The following MAP4 variants were observed in gnomAD, a reference collection of about 807,000 sequenced individuals.
The protein encoded by MAP4 is microtubule-associated protein 4.
In MAP4, 76 loss-of-function variants were observed where a neutral mutation model predicts 170.2. The ratio of observed to expected loss-of-function variants is 0.45; its 90% CI spans 0.37 to 0.54. The LOEUF (loss-of-function observed/expected upper bound fraction) is 0.54, where lower values mean the gene tolerates loss of function less well. Ranked by LOEUF, MAP4 falls within the 20% of genes least tolerant of loss-of-function variation. MAP4 has a pLI of 0.00. For missense variants in MAP4, 2,506 were observed against 2,748.0 expected (o/e 0.91, Z 1.97); for synonymous variants, 909 against 994.5 (o/e 0.91, Z 1.62).
intron 6 of MAP4, 24 bp downstream of exon 6, chr3:47,918,695 T>C: frequency 6.3e-7 from 1 of 1,586,342 alleles, no homozygotes; most frequent in Non-Finnish European, 8.6e-7. Context: ...CATTAACTGA[T>C]AAAGGGAGTC....
chr3:47,968,359 A>G lies in MAP4; in HGVS notation c.292+9506T>C, dbSNP rs983858423. On this transcript the variant is annotated intron_variant, in intron 3 of 20. Transcript: ENST00000683076. ...AGACCATATGTTAGGCCAGAAAACA[A>G]GCCTCCATATATTGAAAGGGATTGA... Among the ~76,000 whole-genome samples, 6 of 152,208 alleles carry G rather than the reference A, an allele frequency of 3.9e-5. No homozygotes were observed. The South Asian group carries it at 1.2e-3, about 32-fold the overall frequency.
chr3:47,967,597 A>G (rs2100075885), intron 3 of MAP4, among the ~76,000 whole-genome samples: 1 of 152,226 alleles, frequency 6.6e-6, no homozygotes, highest in South Asian at 2.1e-4. Context: ...GGCTGCAGTG[A>G]GCCAAGATCA....
In MAP4 at chr3:47,911,284, C is replaced by A; in HGVS notation, c.3137G>T (p.Gly1046Val). The A allele has an allele frequency of 6.5e-7, 1 of 1,536,124 alleles. No individual in the cohort carries two copies. The highest frequency in any genetic ancestry group is 8.7e-7 in the Non-Finnish European group (1 of 1,146,916). The change falls in exon 9 of 21, where the codon GGG (glycine) becomes GTG (valine). Residue 1046 changes from glycine to valine, a missense_variant. Gly to Val is a moderately radical substitution (Grantham distance 109, BLOSUM62 -3). Transcript: ENST00000683076. The surrounding 1 kb of genome is among the most constrained non-coding windows in gnomAD (Gnocchi z 4.0). The stretch of plus-strand genomic sequence containing the variant: ...TCTCTTAAATGGTTCATTCTCTACC[C>A]CAGGGACCTGTACCAACACTTGGCC... Reference protein sequence around the residue: ...LQGQVLVQVPGVENEPFKRMA... With the variant: ...LQGQVLVQVPVVENEPFKRMA...
At chr3:48,056,955 C>T (rs1450704306) in intron 1 of MAP4, among the ~76,000 whole-genome samples, 4 of 131,732 alleles carry the variant, frequency 3.0e-5, no homozygotes, top group Non-Finnish European at 6.6e-5. Context: ...GCCCCCCGCC[C>T]GGCCAGCCGC....
chr3:47,866,307 A>G (rs1041386583), intron 17 of MAP4, among the ~76,000 whole-genome samples: 1 of 152,106 alleles, frequency 6.6e-6, no homozygotes, highest in African/African-American at 2.4e-5. Flanking sequence ...ACTGCACGCC[A>G]GCCTGGGCAA....
chr3:47,927,768 C>A (rs1445889312), intron 4 of MAP4, among the ~76,000 whole-genome samples: 1 of 152,160 alleles, frequency 6.6e-6, no homozygotes, highest in Non-Finnish European at 1.5e-5. Flanking sequence ...ACCCACCGCA[C>A]CTGGTCTGTT....
intron 3 of MAP4, among the ~76,000 whole-genome samples, chr3:47,941,795 A>C (rs1311030746): frequency 6.6e-6 from 1 of 151,956 alleles, no homozygotes; most frequent in Non-Finnish European, 1.5e-5. Context: ...TCAAAAAAAA[A>C]AAAAAAAAGG....
chr3:47,911,115 C>A lies in MAP4; in HGVS notation c.3306G>T (p.Glu1102Asp). 6.5e-7 allele frequency: 1 copy of A among 1,536,144 alleles called. No individual in the cohort carries two copies. Among genetic ancestry groups the A allele is most frequent in the Non-Finnish European group, 8.7e-7 (1 of 1,146,916 alleles). The change falls in exon 9 of 21, where the codon GAG becomes GAT. Residue 1102 changes from glutamate to aspartate, a missense_variant. Transcript: ENST00000683076. This position sits in a 1 kb window ranked among gnomAD's most constrained non-coding sequence, Gnocchi z 4.0. ...KDGRAVLIPSEPVSKTEGMTT... is the reference protein window; with the variant it reads ...KDGRAVLIPSDPVSKTEGMTT... ...TCATTCCTTCAGTTTTAGAGACTGG[C>A]TCACTCGGTATGAGAACAGCCCTTC...
chr3:47,900,621 A>G (rs572870453), intron 10 of MAP4, among the ~76,000 whole-genome samples: 3 of 152,242 alleles, frequency 2.0e-5, no homozygotes, highest in African/African-American at 7.2e-5. Flanking sequence ...CTGTAGTCCC[A>G]GCTACTTGGG....
intron 1 of MAP4, among the ~76,000 whole-genome samples, chr3:48,072,261 A>G (rs776409766): frequency 2.0e-5 from 3 of 152,110 alleles, no homozygotes; most frequent in Non-Finnish European, 4.4e-5. Context: ...TAATCCCAGC[A>G]CTTTGGGAGG....
chr3:47,897,024 C>T (rs1289390154), intron 10 of MAP4, among the ~76,000 whole-genome samples: 1 of 152,192 alleles, frequency 6.6e-6, no homozygotes, highest in African/African-American at 2.4e-5. Flanking sequence ...ATGGTGAAAA[C>T]TTAATGGAAA....
chr3:47,912,816 G>A (rs142612583), intron 8 of MAP4, among the ~76,000 whole-genome samples: 64 of 152,184 alleles, frequency 4.2e-4, no homozygotes, highest in African/African-American at 1.5e-3. Flanking sequence ...TCTTTTTGGT[G>A]AAATTTATTA....
Position 47,855,420 on chromosome 3 carries a change from C to G in MAP4, c.6584-60G>C. 1 of 1,005,768 alleles carries G rather than the reference C, an allele frequency of 9.9e-7. No homozygotes were observed. The highest frequency in any genetic ancestry group is 1.6e-6 in the Non-Finnish European group (1 of 625,808). The allele number at this position is 1,005,768 out of a possible 1,614,324, so 62.3% of individuals were successfully genotyped here. ...CAGAGGAATATCCCTGCAGGCAAAA[C>G]CAGGACTAGCGATATGCCCAATCTA... is the stretch of plus-strand genomic sequence containing the variant. On this transcript the variant is annotated intron_variant, in intron 18 of 20. Coordinates refer to ENST00000683076, the MANE Select transcript of MAP4 (RefSeq NM_001385682.1). The surrounding 1 kb of genome is among the most constrained non-coding windows in gnomAD (Gnocchi z 5.1).
At chr3:48,056,588 C>A (rs1369732105) in intron 1 of MAP4, among the ~76,000 whole-genome samples, 3 of 76,058 alleles carry the variant, frequency 3.9e-5, no homozygotes, top group African/African-American at 9.1e-5. Context: ...CCCTCAGCCC[C>A]GCCAGCCGCC....
At chr3:48,042,201 C>T (rs1462598193) in intron 1 of MAP4, among the ~76,000 whole-genome samples, 4 of 152,130 alleles carry the variant, frequency 2.6e-5, no homozygotes, top group Admixed American at 6.6e-5. Flanking sequence ...TGGGGAGAGG[C>T]AGTCTTGGAA....
Position 48,087,745 on chromosome 3 carries a change from G to GCACACACACA in MAP4, c.-20+1018_-20+1027dup, listed in dbSNP as rs1171639123. ...CACGCACGCGCACACACACGCACGC[G>GCACACACACA]CACACACACACACACACACACACAC... On this transcript the variant is annotated intron_variant, in intron 1 of 18. Transcript: ENST00000360240. Among the ~76,000 whole-genome samples, 74 of 105,678 alleles carry GCACACACACA rather than the reference G, an allele frequency of 7.0e-4. 1 individual carries two copies. The highest frequency in any genetic ancestry group is 1.2e-3 in the African/African-American group (38 of 31,250). The allele number at this position is 105,678 out of a possible 152,430, so 69.3% of individuals were successfully genotyped here. A position where few individuals can be genotyped will look rare whatever the true frequency, so the allele number is the denominator to read the frequency against.
At chr3:48,042,251 G>C (rs1416935029) in intron 1 of MAP4, among the ~76,000 whole-genome samples, 1 of 152,190 alleles carries the variant, frequency 6.6e-6, no homozygotes, top group Non-Finnish European at 1.5e-5. Flanking sequence ...GCTATCTCCA[G>C]GTTGATTATG....
chr3:47,964,470 G>C (rs1046804373), intron 3 of MAP4, among the ~76,000 whole-genome samples: 1 of 152,182 alleles, frequency 6.6e-6, no homozygotes, highest in Non-Finnish European at 1.5e-5. Context: ...AAGGAGATGG[G>C]GAGGCAGGTG....
chr3:47,869,319 T>G lies in MAP4; in HGVS notation c.6303A>C (p.Val2101=). 1 of 1,611,262 alleles carries G rather than the reference T, an allele frequency of 6.2e-7. No homozygotes were observed. Among genetic ancestry groups the G allele is most frequent in the Non-Finnish European group, 8.5e-7 (1 of 1,177,350 alleles). The change falls in exon 16 of 21, where the codon GTA becomes GTC. Residue 2101 remains valine (V), a synonymous_variant. Coordinates refer to ENST00000683076, the MANE Select transcript of MAP4 (RefSeq NM_001385682.1). The part of the protein sequence containing the change: ...KHQPGGGRAK[V]EKKTEAAATT... ...TAGCAGCTGCCTCTGTTTTTTTCTC[T>G]ACTTTGGCCTGGATGGAGATAAAGG...
Sources: gnomAD v4.1 joint callset for allele counts (sites outside exome capture counted in the v4.1 genomes callset) on GRCh38, gnomAD v4.1.1 for gene constraint, Gnocchi (gnomAD v3.1) non-coding constraint, MANE v1.5 for transcripts, NCBI Gene and HGNC (gene_info 2026-07-23, HGNC 2026-07-21) for gene names.